The following ROBO2 variants were observed in gnomAD, a reference collection of about 807,000 sequenced individuals.
ROBO2 encodes roundabout guidance receptor 2, also known as roundabout homolog 2.
A neutral mutation model predicts 160.8 loss-of-function variants in ROBO2; 53 were observed. That is an observed-to-expected ratio of 0.33 (90% CI 0.26 to 0.41). The LOEUF is 0.41. Among genes scored for constraint, ROBO2 ranks in the 10% least tolerant of loss-of-function variants. The pLI is 1.00. For missense variants in ROBO2, 1,577 were observed against 1,722.4 expected, an observed-to-expected ratio of 0.92 and a Z score of 1.49; for synonymous variants, 664 against 611.7, an observed-to-expected ratio of 1.09 and a Z score of -1.26.
At chr3:76,920,175 CT>C (rs139367508) in intron 2 of ROBO2, among the ~76,000 whole-genome samples, 34,626 of 150,766 alleles carry the variant, frequency 0.23, 4,153 homozygotes, top group South Asian at 0.31. Context: ...TTCTCTTTTC[CT>C]TTTTTTTTGA....
At chr3:76,430,500 A>G (rs550073518) in intron 2 of ROBO2, among the ~76,000 whole-genome samples, 3 of 151,794 alleles carry the variant, frequency 2.0e-5, no homozygotes, top group South Asian at 2.1e-4. Context: ...ATTTTCTTCT[A>G]TTTTTTTAAA....
intron 2 of ROBO2, among the ~76,000 whole-genome samples, chr3:76,340,992 T>C (rs1206561181): frequency 6.6e-6 from 1 of 152,150 alleles, no homozygotes; most frequent in Non-Finnish European, 1.5e-5. Flanking sequence ...GTGAATCTTG[T>C]AGGAGTGTTC....
chr3:75,947,062 T>C (rs1218209373), intron 2 of ROBO2, among the ~76,000 whole-genome samples: 1 of 152,064 alleles, frequency 6.6e-6, no homozygotes, highest in Non-Finnish European at 1.5e-5. Flanking sequence ...TGATTGAATT[T>C]ACTGAGCAAG....
intron 2 of ROBO2, chr3:76,434,757 T>C (rs1176534041): frequency 1.7e-6 from 2 of 1,196,106 alleles, no homozygotes; most frequent in African/African-American, 1.5e-5. Context: ...TGAGTCCGCT[T>C]CCTGCTCAGC....
intron 2 of ROBO2, among the ~76,000 whole-genome samples, chr3:75,958,202 A>G (rs1276981047): frequency 6.6e-6 from 1 of 151,784 alleles, no homozygotes; most frequent in African/African-American, 2.4e-5. Flanking sequence ...AGTTGTTAAT[A>G]TGTGATTAAC....
intron 2 of ROBO2, among the ~76,000 whole-genome samples, chr3:77,164,214 T>G (rs920406713): frequency 2.0e-5 from 3 of 152,082 alleles, no homozygotes; most frequent in Non-Finnish European, 4.4e-5. Flanking sequence ...AAATAAAAAA[T>G]AAAAAAGTGG....
intron 2 of ROBO2, among the ~76,000 whole-genome samples, chr3:77,024,306 G>A (rs567568114): frequency 6.6e-6 from 1 of 152,244 alleles, no homozygotes; most frequent in Non-Finnish European, 1.5e-5. Flanking sequence ...GACATCAGGT[G>A]GAACATTCTT....
intron 2 of ROBO2, among the ~76,000 whole-genome samples, chr3:76,538,321 G>A (rs1212399594): frequency 6.6e-6 from 1 of 152,108 alleles, no homozygotes; most frequent in Non-Finnish European, 1.5e-5. Context: ...TTTCTACGTA[G>A]GCAATTCCCA....
intron 2 of ROBO2, among the ~76,000 whole-genome samples, chr3:76,187,132 C>A (rs528724969): frequency 3.9e-5 from 6 of 152,044 alleles, no homozygotes; most frequent in Non-Finnish European, 8.8e-5. Flanking sequence ...TTTTCCACAC[C>A]TATACCTCTG....
intron 21 of ROBO2, among the ~76,000 whole-genome samples, chr3:77,611,908 A>C (rs953200717): frequency 6.6e-6 from 1 of 152,192 alleles, no homozygotes; most frequent in Non-Finnish European, 1.5e-5. Context: ...TCCAGGAAGA[A>C]TTCTATGGTA....
chr3:76,261,815 C>T (rs979889854), intron 2 of ROBO2, among the ~76,000 whole-genome samples: 1 of 151,768 alleles, frequency 6.6e-6, no homozygotes, highest in Non-Finnish European at 1.5e-5. Context: ...TCCTGGTATA[C>T]TATTTATATT....
intron 2 of ROBO2, among the ~76,000 whole-genome samples, chr3:76,494,096 G>C (rs893100101): frequency 6.6e-6 from 1 of 152,026 alleles, no homozygotes; most frequent in East Asian, 1.9e-4. Context: ...AATGTTCACA[G>C]TAGCGCCAAC....
chr3:77,233,322 C>T (rs1198200989), intron 2 of ROBO2, among the ~76,000 whole-genome samples: 1 of 152,118 alleles, frequency 6.6e-6, no homozygotes, highest in Non-Finnish European at 1.5e-5. Flanking sequence ...CCCCCCCCTC[C>T]ACTTTTTTTA....
intron 2 of ROBO2, among the ~76,000 whole-genome samples, chr3:76,406,529 G>T (rs1302951672): frequency 6.6e-6 from 1 of 151,626 alleles, no homozygotes; most frequent in African/African-American, 2.4e-5. Context: ...AGGACAAGAG[G>T]GAAGGAGTGG....
rs553873304 is a variant in ROBO2, at chr3:77,218,727, C to T, written c.388+120387C>T. Among the ~76,000 whole-genome samples, 15 of 152,272 alleles carry T rather than the reference C, an allele frequency of 9.9e-5. No individual in the cohort carries two copies. The South Asian group carries it at 3.1e-3, about 32-fold the overall frequency. Reference sequence around the variant, plus strand: ...AATTAGGTTATCATGTCACCCTCTTCTTTTCCATTATAAGTATTCTGCAGT... The same window carrying T: ...AATTAGGTTATCATGTCACCCTCTTTTTTTCCATTATAAGTATTCTGCAGT... On this transcript the variant is annotated intron_variant, in intron 2 of 25. Transcript: ENST00000461745.
chr3:76,964,331 T>A (rs1436568600), intron 2 of ROBO2, among the ~76,000 whole-genome samples: 1 of 151,782 alleles, frequency 6.6e-6, no homozygotes, highest in African/African-American at 2.4e-5. Flanking sequence ...TCCTTTTGTT[T>A]TTGTTTTGTT....
intron 2 of ROBO2, among the ~76,000 whole-genome samples, chr3:76,344,683 A>C (rs1427470888): frequency 6.6e-6 from 1 of 152,110 alleles, no homozygotes; most frequent in Admixed American, 6.6e-5. Context: ...ACAGAAATTA[A>C]TCTAGTGGAT....
At chr3:77,169,135 A>G (rs952042282) in intron 2 of ROBO2, among the ~76,000 whole-genome samples, 1 of 152,232 alleles carries the variant, frequency 6.6e-6, no homozygotes, top group Non-Finnish European at 1.5e-5. Context: ...TCCTAAGGAC[A>G]TGTGAATAAA....
chr3:77,295,996 G>A (rs1430101161), intron 2 of ROBO2, among the ~76,000 whole-genome samples: 1 of 147,324 alleles, frequency 6.8e-6, no homozygotes, highest in Non-Finnish European at 1.5e-5. Flanking sequence ...AAAATTGATG[G>A]TTAAACGGGA....
Sources: allele counts gnomAD v4.1 joint callset (sites outside exome capture counted in the v4.1 genomes callset), GRCh38; gene constraint gnomAD v4.1.1; transcripts MANE v1.5; gene names NCBI Gene and HGNC (gene_info 2026-07-23, HGNC 2026-07-21).